COQ6: variants seen among roughly 807,000 people sequenced by gnomAD.
COQ6 encodes coenzyme Q6, monooxygenase.
COQ6 carries 45 observed loss-of-function variants against 55.5 expected under a neutral mutation model. That is an observed-to-expected ratio of 0.81 (90% CI 0.64 to 1.04). COQ6 has a LOEUF of 1.04. Ranked by LOEUF, COQ6 falls within the 50% of genes least tolerant of loss-of-function variation. The pLI is 0.00. For missense variants in COQ6, 550 were observed against 601.3 expected (o/e 0.91, Z 0.89); for synonymous variants, 206 against 230.5 (o/e 0.89, Z 0.96).
At chr14:73,950,667 AG>A in intron 1 of COQ6, 172 bp downstream of exon 1, 1 of 949,792 alleles carries the variant, frequency 1.1e-6, no homozygotes, top group Non-Finnish European at 1.5e-6. Flanking sequence ...GTGGTCCTTC[AG>A]GGTCCATTAG....
At chr14:73,955,368 C>G in intron 2 of COQ6, 83 bp from the exon 3 acceptor site, 1 of 1,000,166 alleles carries the variant, frequency 1.0e-6, no homozygotes. Flanking sequence ...TGAAAACAAC[C>G]TCTTACGTAA....
At chr14:73,962,640 G>T in intron 11 of COQ6, 1 of 253,484 alleles carries the variant, frequency 3.9e-6, no homozygotes, top group Non-Finnish European at 7.5e-6. Context: ...TCATCCCTGA[G>T]AACTTCCATT....
At chr14:73,957,102 T>A (rs937874988) in intron 4 of COQ6, among the ~76,000 whole-genome samples, 9 of 118,446 alleles carry the variant, frequency 7.6e-5, no homozygotes, top group African/African-American at 2.1e-4. Context: ...ATTATTATTA[T>A]TTTTTTTTTT....
intron 4 of COQ6, 197 bp from the exon 5 acceptor site, chr14:73,957,950 C>CT (rs1191647899): frequency 5.3e-6 from 3 of 569,460 alleles, no homozygotes; most frequent in Admixed American, 2.8e-5. Context: ...ACTTCAATGT[C>CT]TTTTTTTGAC....
chr14:73,953,772 G>A (rs572381526), intron 2 of COQ6: 2 of 655,748 alleles, frequency 3.0e-6, no homozygotes, highest in South Asian at 3.5e-5. Flanking sequence ...CCCTGTCTGA[G>A]GAATGCATCC....
rs747942464 is a variant in COQ6 at position 73,950,342 on chromosome 14, C to A, written c.10C>A (p.Arg4=). The change falls in exon 1 of 12, where the codon CGG becomes AGG. Residue 4 remains arginine (R), a synonymous_variant. Transcript: ENST00000334571. MAA[R]LVSRCGAVRA... is the part of the protein sequence containing the mutation. ...GGCGCAGGTCTGCACCATGGCGGCC[C>A]GGCTTGTCAGCCGATGCGGGGCTGT... 1.7e-5 allele frequency: 26 copies of A among 1,552,508 alleles called. No individual in the cohort carries two copies. Among genetic ancestry groups the A allele is most frequent in the Non-Finnish European group, 2.3e-5 (26 of 1,151,740 alleles).
chr14:73,949,975 G>C, upstream of COQ6: 1 of 1,613,574 alleles, frequency 6.2e-7, no homozygotes, highest in Non-Finnish European at 8.5e-7. Flanking sequence ...CTCCTCACCT[G>C]ACGGCTCCCC....
intron 1 of COQ6, 70 bp downstream of exon 1, chr14:73,950,565 C>T: frequency 1.3e-6 from 2 of 1,525,210 alleles, no homozygotes; most frequent in Non-Finnish European, 1.8e-6. Context: ...CCGTGAGAGC[C>T]CTAGCACGAC....
intron 4 of COQ6, chr14:73,956,327 CAA>C (rs34194477): frequency 2.9e-3 from 431 of 146,306 alleles, no homozygotes; most frequent in South Asian, 6.5e-3. Context: ...GACTCCGTCT[CAA>C]AAAAAAAAAA....
chr14:73,953,318 T>C, intron 1 of COQ6, 117 bp from the exon 2 acceptor site: 5 of 944,024 alleles, frequency 5.3e-6, no homozygotes, highest in Non-Finnish European at 8.5e-6. Flanking sequence ...ATAGTGTTTA[T>C]GTTCTCTGTA....
In COQ6 at chr14:73,957,343, C is replaced by G. The variant is rs915066093; in HGVS notation, c.482-804C>G. ...CTCGTGATCCACCCACCTCGGCCTC[C>G]CAAAGTGCTGGGATTACAGGCGTAA... On this transcript the variant is annotated intron_variant, in intron 4 of 11. Coordinates refer to ENST00000334571, the MANE Select transcript of COQ6 (RefSeq NM_182476.3). Among the ~76,000 whole-genome samples, 3 of 152,262 alleles carry G rather than the reference C, an allele frequency of 2.0e-5. No homozygotes were observed. The East Asian group carries it at 5.8e-4, about 29-fold the overall frequency.
At chr14:73,951,980 CAAAAA>C (rs71115933) in intron 1 of COQ6, among the ~76,000 whole-genome samples, 3 of 79,772 alleles carry the variant, frequency 3.8e-5, no homozygotes, top group Admixed American at 1.4e-4. Context: ...CTCGATATCT[CAAAAA>C]AAAAAAAAAA....
At chr14:73,953,770 G>T in intron 2 of COQ6, 1 of 659,978 alleles carries the variant, frequency 1.5e-6, no homozygotes, top group South Asian at 1.7e-5. Flanking sequence ...CTCCCTGTCT[G>T]AGGAATGCAT....
In COQ6 at chr14:73,955,868, T is replaced by C; in HGVS notation, c.421T>C (p.Tyr141His). The change falls in exon 4 of 12, where the codon TAT becomes CAT. Residue 141 changes from tyrosine to histidine, a missense_variant. Tyr to His is a moderately conservative substitution (Grantham distance 83, BLOSUM62 2). Coordinates refer to ENST00000334571, the MANE Select transcript of COQ6 (RefSeq NM_182476.3). ...FDKDNLDDMGYIVENDVIMHA... is the reference protein window; with the variant it reads ...FDKDNLDDMGHIVENDVIMHA... The stretch of plus-strand genomic sequence containing the variant: ...TAAGGATAATTTAGATGACATGGGC[T>C]ATATCGTGGAGAATGATGTCATCAT... 6.2e-7 allele frequency: 1 copy of C among 1,614,144 alleles called. No individual in the cohort carries two copies. The highest frequency in any genetic ancestry group is 8.5e-7 in the Non-Finnish European group (1 of 1,179,976).
chr14:73,958,640 T>C (rs984390276), intron 5 of COQ6: 42 of 1,296,544 alleles, frequency 3.2e-5, no homozygotes, highest in Non-Finnish European at 3.9e-5. Context: ...TGGTAGCCAT[T>C]CCTAACCCTA....
At chr14:73,950,539 G>A (rs1316619761) in intron 1 of COQ6, 44 bp downstream of exon 1, 1 of 1,565,940 alleles carries the variant, frequency 6.4e-7, no homozygotes, top group Non-Finnish European at 8.7e-7. Flanking sequence ...ACCGGGCCGC[G>A]GAGGCACGAT....
At chr14:73,949,957 T>C, upstream of COQ6, 1 of 1,613,210 alleles carries the variant, frequency 6.2e-7, no homozygotes, top group Non-Finnish European at 8.5e-7. Flanking sequence ...GGGGGCAGTC[T>C]CTTTTCTCTC....
chr14:73,958,918 G>C, intron 5 of COQ6, 53 bp from the exon 6 acceptor site: 1 of 1,608,300 alleles, frequency 6.2e-7, no homozygotes, highest in Non-Finnish European at 8.5e-7. Context: ...AAAAACTTCT[G>C]AAGCAGTTTA....
At chr14:73,950,698 G>A (rs908685562) in intron 1 of COQ6, 3 of 718,204 alleles carry the variant, frequency 4.2e-6, no homozygotes, top group Non-Finnish European at 4.5e-6. Flanking sequence ...TGGGAGGGGC[G>A]TTCAGAGTCT....
Sources: gnomAD v4.1 joint callset for allele counts (sites outside exome capture counted in the v4.1 genomes callset) on GRCh38, gnomAD v4.1.1 for gene constraint, MANE v1.5 for transcripts, NCBI Gene and HGNC (gene_info 2026-07-23, HGNC 2026-07-21) for gene names.